Variants in SORCS1 observed in about 807,000 individuals in gnomAD.
SORCS1 encodes sortilin related VPS10 domain containing receptor 1.
In SORCS1, 60 loss-of-function variants were observed where a neutral mutation model predicts 146.1. That is an observed-to-expected ratio of 0.41 (90% CI 0.33 to 0.51). The LOEUF is 0.51. Among genes scored for constraint, SORCS1 ranks in the 20% least tolerant of loss-of-function variants. The pLI is 0.21. For synonymous variants in SORCS1, 637 were observed against 584.0 expected, an observed-to-expected ratio of 1.09 and a Z score of -1.31; for missense variants, 1,352 against 1,487.6, an observed-to-expected ratio of 0.91 and a Z score of 1.50.
intron 2 of SORCS1, among the ~76,000 whole-genome samples, chr10:106,860,372 G>T (rs962743253): frequency 6.6e-5 from 10 of 151,900 alleles, no homozygotes; most frequent in African/African-American, 2.4e-4. Flanking sequence ...ATCACACTGG[G>T]GTCAAATCTT....
At chr10:106,956,918 A>G (rs1473892341) in intron 1 of SORCS1, among the ~76,000 whole-genome samples, 1 of 152,180 alleles carries the variant, frequency 6.6e-6, no homozygotes, top group Non-Finnish European at 1.5e-5. Flanking sequence ...CACTGAGCAG[A>G]TGCCTGGGAG....
At chr10:106,745,163 A>G (rs1564923355) in intron 5 of SORCS1, among the ~76,000 whole-genome samples, 1 of 152,150 alleles carries the variant, frequency 6.6e-6, no homozygotes, top group Non-Finnish European at 1.5e-5. Context: ...TCACACCTGT[A>G]ATCCCAGCAC....
intron 1 of SORCS1, among the ~76,000 whole-genome samples, chr10:107,054,152 T>C (rs1425735920): frequency 2.6e-5 from 4 of 152,140 alleles, no homozygotes; most frequent in Non-Finnish European, 5.9e-5. Context: ...CAACAAGTGG[T>C]TGAAAACGAA....
intron 3 of SORCS1, among the ~76,000 whole-genome samples, chr10:106,778,988 C>T (rs1019543208): frequency 3.3e-5 from 5 of 152,106 alleles, no homozygotes; most frequent in Admixed American, 6.5e-5. Context: ...TTATGCTCCA[C>T]GTGATCAGAC....
intron 18 of SORCS1, 72 bp downstream of exon 18, chr10:106,652,309 GA>G: frequency 7.1e-7 from 1 of 1,412,574 alleles, no homozygotes; most frequent in East Asian, 2.4e-5. Context: ...AAAAGATATG[GA>G]AACAAAACCA....
At chr10:107,072,608 C>CAT (rs139983944) in intron 1 of SORCS1, among the ~76,000 whole-genome samples, 11,165 of 151,356 alleles carry the variant, frequency 0.074, 1,272 homozygotes, top group African/African-American at 0.25. Flanking sequence ...CATACATACA[C>CAT]ATATATATAT....
At chr10:107,082,474 T>G (rs1470462698) in intron 1 of SORCS1, among the ~76,000 whole-genome samples, 1 of 152,128 alleles carries the variant, frequency 6.6e-6, no homozygotes, top group African/African-American at 2.4e-5. Context: ...TCTTTTTTTT[T>G]CTTTTCTTTT....
rs144056795 is a variant in SORCS1 at position 106,620,498 on chromosome 10, G to T, written c.2726C>A (p.Ala909Glu). The change falls in exon 20 of 26, where the codon GCG becomes GAG. Residue 909 changes from alanine to glutamate, a missense_variant. By Grantham distance (107) the Ala-to-Glu change is moderately radical. Coordinates refer to ENST00000263054, the MANE Select transcript of SORCS1 (RefSeq NM_052918.5). The part of the protein sequence containing the change: ...FVTTKNKEVN[A>E]TAVLWPSQVG... ...TTGGCTGGGCCACAGCACTGCCGTC[G>T]CATTGACCTCTTTGTTCTTTGTGGT... 1 of 1,614,074 alleles carries T rather than the reference G, an allele frequency of 6.2e-7. No homozygotes were observed. Among genetic ancestry groups the T allele is most frequent in the South Asian group, 1.1e-5 (1 of 91,076 alleles).
At chr10:107,104,639 T>C (rs1193429014) in intron 1 of SORCS1, among the ~76,000 whole-genome samples, 2 of 152,180 alleles carry the variant, frequency 1.3e-5, no homozygotes, top group African/African-American at 4.8e-5. Flanking sequence ...GAGGGATGGC[T>C]GAAAGACCTT....
intron 2 of SORCS1, among the ~76,000 whole-genome samples, chr10:106,887,106 G>A (rs182875295): frequency 1.3e-5 from 2 of 152,254 alleles, no homozygotes; most frequent in East Asian, 3.9e-4. Context: ...GCACACATCA[G>A]TCACATGAGA....
chr10:107,148,633 G>A (rs915105251), intron 1 of SORCS1, among the ~76,000 whole-genome samples: 5 of 152,142 alleles, frequency 3.3e-5, no homozygotes, highest in African/African-American at 7.2e-5. Context: ...GAATGCAAAG[G>A]TTTCTTTAAA....
At position 107,063,389 on chromosome 10, in the gene SORCS1, C is replaced by T. The variant is rs188553226; in HGVS notation, c.558+100580G>A. ...TTACTATTTCTATGAGAGGAGAGCA[C>T]TCCAAGCTTGTGGAAAGCTGACAAA... On this transcript the variant is annotated intron_variant, in intron 1 of 25. Transcript: ENST00000263054. 1.1e-4 allele frequency among the ~76,000 whole-genome samples: 16 copies of T among 152,266 alleles called. No individual in the cohort carries two copies. In the East Asian group the frequency reaches 3.1e-3, roughly 29 times the overall value.
At chr10:106,928,302 G>A (rs1953189947) in intron 2 of SORCS1, among the ~76,000 whole-genome samples, 1 of 152,222 alleles carries the variant, frequency 6.6e-6, no homozygotes, top group Non-Finnish European at 1.5e-5. Context: ...CGGTGGGCCG[G>A]CACTGCCGAG....
At chr10:107,095,369 A>G (rs532735568) in intron 1 of SORCS1, among the ~76,000 whole-genome samples, 185 of 152,306 alleles carry the variant, frequency 1.2e-3, no homozygotes, top group African/African-American at 4.1e-3. Flanking sequence ...ACCGAAGGGT[A>G]CACATTGACC....
intron 17 of SORCS1, among the ~76,000 whole-genome samples, chr10:106,653,023 G>C (rs1281579406): frequency 1.3e-5 from 2 of 152,306 alleles, no homozygotes; most frequent in East Asian, 1.9e-4. Context: ...AGATCTCATA[G>C]AGACTGCTAC....
the SORCS1 span, among the ~76,000 whole-genome samples, chr10:107,170,395 C>G: frequency 6.6e-6 from 1 of 152,118 alleles, no homozygotes; most frequent in African/African-American, 2.4e-5. Context: ...ACAAAAGAAA[C>G]AAAATGCTAC....
chr10:107,037,706 T>C (rs1958964911), intron 1 of SORCS1, among the ~76,000 whole-genome samples: 1 of 152,240 alleles, frequency 6.6e-6, no homozygotes, highest in South Asian at 2.1e-4. Context: ...AAAAGGATCA[T>C]TAGTCCCAAT....
intron 2 of SORCS1, among the ~76,000 whole-genome samples, chr10:106,906,342 G>A (rs771138049): frequency 3.9e-5 from 6 of 152,188 alleles, no homozygotes; most frequent in Non-Finnish European, 8.8e-5. Context: ...TTGAACTCCT[G>A]ACCTCAGGTG....
intron 1 of SORCS1, among the ~76,000 whole-genome samples, chr10:106,985,796 A>G (rs1336677497): frequency 6.6e-6 from 1 of 151,742 alleles, no homozygotes; most frequent in Non-Finnish European, 1.5e-5. Flanking sequence ...TGGTCTCCCA[A>G]AGTGCTGGGA....
Sources: gnomAD v4.1 joint callset for allele counts (sites outside exome capture counted in the v4.1 genomes callset) on GRCh38, gnomAD v4.1.1 for gene constraint, MANE v1.5 for transcripts, NCBI Gene and HGNC (gene_info 2026-07-23, HGNC 2026-07-21) for gene names.